The following PCDHA3 variants were observed in gnomAD, a reference collection of about 807,000 sequenced individuals.
PCDHA3 encodes protocadherin alpha 3.
Under a neutral mutation model 62.2 loss-of-function variants are expected in PCDHA3, and 41 were observed. That is an observed-to-expected ratio of 0.66 (90% confidence interval 0.51 to 0.86). The LOEUF (loss-of-function observed/expected upper bound fraction) is 0.86, where lower values mean the gene tolerates loss of function less well. PCDHA3 is among the 40% of genes least tolerant of loss of function. The pLI is 0.00. For missense variants in PCDHA3, 1,304 were observed against 1,241.2 expected (o/e 1.05, Z -0.76); for synonymous variants, 640 against 555.4 (o/e 1.15, Z -2.14).
chr5:140,983,005 A>AAAGG (rs1223217874), intron 3 of PCDHA3, among the ~76,000 whole-genome samples: 11 of 152,228 alleles, frequency 7.2e-5, no homozygotes, highest in African/African-American at 2.4e-4. Flanking sequence ...AAAGAAAGAA[A>AAAGG]AAGGAAGGAA....
chr5:140,853,333 G>A (rs905529637), intron 1 of PCDHA3: 2 of 983,832 alleles, frequency 2.0e-6, no homozygotes, highest in Middle Eastern at 5.3e-4. Context: ...ATCTTTTGAG[G>A]TCATTAGCAA....
chr5:140,892,087 T>G (rs2063378040), intron 1 of PCDHA3, among the ~76,000 whole-genome samples: 1 of 152,226 alleles, frequency 6.6e-6, no homozygotes, highest in East Asian at 1.9e-4. Context: ...TAGTTTCCTC[T>G]CGAAACTTTC....
intron 1 of PCDHA3, chr5:140,836,222 G>T: frequency 8.1e-6 from 13 of 1,613,794 alleles, no homozygotes; most frequent in Non-Finnish European, 1.1e-5. Context: ...AGTTGCAACC[G>T]GTGGCGGCCG....
intron 1 of PCDHA3, among the ~76,000 whole-genome samples, chr5:140,937,708 C>G (rs535447052): frequency 6.6e-6 from 1 of 151,944 alleles, no homozygotes; most frequent in South Asian, 2.1e-4. Flanking sequence ...GTCAGGAGAT[C>G]AAGACCATCC....
intron 1 of PCDHA3, chr5:140,883,799 C>T: frequency 1.2e-6 from 2 of 1,612,460 alleles, no homozygotes; most frequent in Non-Finnish European, 1.7e-6. Flanking sequence ...CGTGTCGGTG[C>T]ACGCGGAGAG....
intron 2 of PCDHA3, chr5:140,982,259 G>A (rs2153828072): frequency 2.4e-6 from 2 of 820,856 alleles, no homozygotes; most frequent in South Asian, 4.9e-5. Context: ...GAACATGTGT[G>A]TTCCTGGAAT....
At chr5:140,949,167 T>C (rs2094348737) in intron 1 of PCDHA3, among the ~76,000 whole-genome samples, 1 of 151,798 alleles carries the variant, frequency 6.6e-6, no homozygotes, top group Admixed American at 6.6e-5. Flanking sequence ...AATTCTCTTT[T>C]GGTCAGAGAA....
intron 1 of PCDHA3, chr5:140,853,994 C>A (rs1157670229): frequency 4.2e-6 from 2 of 477,726 alleles, no homozygotes; most frequent in Non-Finnish European, 5.6e-6. Context: ...TGAGACTCAT[C>A]TCTGCCAAAA....
chr5:141,011,104 C>G lies in PCDHA3; in HGVS notation c.*1167C>G, dbSNP rs1396728499. The G allele has an allele frequency of 6.5e-6, 1 of 153,844 alleles. No homozygotes were observed. Among genetic ancestry groups the G allele is most frequent in the Non-Finnish European group, 1.5e-5 (1 of 68,020 alleles). The allele number at this position is 153,844 out of a possible 1,614,324, so 9.5% of individuals were successfully genotyped here. A position where few individuals can be genotyped will look rare whatever the true frequency, so the allele number is the denominator to read the frequency against. On this transcript the variant is annotated 3_prime_UTR_variant, in exon 4 of 4. Transcript: ENST00000522353. ...GATCTCTCTTTCTCTCTCTCTCTCT[C>G]TTTTCTAAGAAACAATTATGTGCAC... is the stretch of plus-strand genomic sequence containing the variant.
chr5:140,822,387 A>G, intron 1 of PCDHA3: 2 of 1,614,150 alleles, frequency 1.2e-6, no homozygotes, highest in Non-Finnish European at 1.7e-6. Context: ...GAGAAGAAAC[A>G]CAAGAACACC....
At chr5:140,834,568 G>A (rs2150221321) in intron 1 of PCDHA3, 2 of 1,613,978 alleles carry the variant, frequency 1.2e-6, no homozygotes, top group South Asian at 1.1e-5. Flanking sequence ...CTGGTGCCGC[G>A]CCTGTTCCGG....
intron 2 of PCDHA3, among the ~76,000 whole-genome samples, chr5:140,981,521 C>T (rs894639773): frequency 1.3e-5 from 2 of 152,208 alleles, no homozygotes; most frequent in South Asian, 4.1e-4. Flanking sequence ...TTGCAGTGAG[C>T]TGAGATCGTG....
chr5:140,824,610 G>GTTTTTTTTTTTTTTTTTTTTTTTTTTT (rs782443702), intron 1 of PCDHA3: 4 of 95,104 alleles, frequency 4.2e-5, no homozygotes, highest in Non-Finnish European at 5.6e-5. Context: ...GCTAATTAAA[G>GTTTTTTTTTTTTTTTTTTTTTTTTTTT]TTTTTTTTTT....
intron 1 of PCDHA3, chr5:140,848,980 T>C (rs1554142681): frequency 1.9e-6 from 3 of 1,599,772 alleles, no homozygotes; most frequent in Non-Finnish European, 1.7e-6. Flanking sequence ...GATGCAGATA[T>C]CGGGGAGAAC....
At chr5:140,837,511 G>A (rs1335097431) in intron 1 of PCDHA3, among the ~76,000 whole-genome samples, 2 of 96,626 alleles carry the variant, frequency 2.1e-5, no homozygotes, top group Non-Finnish European at 4.1e-5. Context: ...TTCTGAAGCA[G>A]TTTACTTTTT....
chr5:140,875,668 G>A lies in PCDHA3; in HGVS notation c.2394+72077G>A, dbSNP rs1554167843. On this transcript the variant is annotated intron_variant, in intron 1 of 3. Transcript: ENST00000522353. ...GGAGCTGGTGCCGCGCCTGTTCCGG[G>A]TGGCGTCCAAAAGACACGGGGACCT... 4.3e-6 allele frequency: 7 copies of A among 1,613,726 alleles called. No homozygotes were observed. The highest frequency in any genetic ancestry group is 3.3e-5 in the South Asian group (3 of 91,074).
intron 1 of PCDHA3, chr5:140,828,742 G>T (rs2150158516): frequency 5.0e-6 from 8 of 1,614,208 alleles, no homozygotes; most frequent in Non-Finnish European, 5.9e-6. Context: ...CCACAGATGG[G>T]GGCAAACCTG....
At chr5:140,818,560 G>A (rs1554127511) in intron 1 of PCDHA3, among the ~76,000 whole-genome samples, 1 of 152,194 alleles carries the variant, frequency 6.6e-6, no homozygotes, top group East Asian at 1.9e-4. Flanking sequence ...AATCAGGCCA[G>A]GCATGGTGGC....
intron 1 of PCDHA3, chr5:140,877,297 T>C (rs782559386): frequency 6.2e-7 from 1 of 1,613,924 alleles, no homozygotes; most frequent in East Asian, 2.2e-5. Context: ...TTGGCTGTCC[T>C]ACGAGTTGCA....
Sources: gnomAD v4.1 joint callset for allele counts (sites outside exome capture counted in the v4.1 genomes callset) on GRCh38, gnomAD v4.1.1 for gene constraint, MANE v1.5 for transcripts, NCBI Gene and HGNC (gene_info 2026-07-23, HGNC 2026-07-21) for gene names.